FHIP1A: variants seen among roughly 807,000 people sequenced by gnomAD.
The protein encoded by FHIP1A is FHF complex subunit HOOK-interacting protein 1A.
A neutral mutation model predicts 88.6 loss-of-function variants in FHIP1A; 61 were observed. The observed-to-expected ratio is 0.69, with a 90% CI of 0.56 to 0.85. The LOEUF is 0.85. Among genes scored for constraint, FHIP1A ranks in the 40% least tolerant of loss-of-function variants. The probability of loss-of-function intolerance (pLI) is 0.00; values close to 1 mark genes in which losing one functional copy is unlikely to be tolerated. For synonymous variants in FHIP1A, 478 were observed against 496.0 expected (o/e 0.96, Z 0.48); for missense variants, 1,154 against 1,273.5 (o/e 0.91, Z 1.43).
intron 2 of FHIP1A, among the ~76,000 whole-genome samples, chr4:151,464,302 T>C (rs1729234881): frequency 6.6e-6 from 1 of 152,234 alleles, no homozygotes; most frequent in African/African-American, 2.4e-5. Flanking sequence ...TTTAAGCCTT[T>C]TATTCCCTCT....
At chr4:151,587,133 C>G (rs1734248608) in intron 6 of FHIP1A, among the ~76,000 whole-genome samples, 1 of 152,124 alleles carries the variant, frequency 6.6e-6, no homozygotes, top group Non-Finnish European at 1.5e-5. Flanking sequence ...GATTATACCG[C>G]TTTTACTTCA....
At chr4:151,522,755 G>A (rs1032853292) in intron 3 of FHIP1A, among the ~76,000 whole-genome samples, 1 of 152,180 alleles carries the variant, frequency 6.6e-6, no homozygotes, top group Non-Finnish European at 1.5e-5. Context: ...AAATCAATTT[G>A]TGTGTCTTTT....
chr4:151,593,968 G>GA (rs1485740808), intron 7 of FHIP1A, among the ~76,000 whole-genome samples: 3 of 152,202 alleles, frequency 2.0e-5, no homozygotes, highest in African/African-American at 7.2e-5. Flanking sequence ...TTTTTAGCGT[G>GA]AAGGGGTGTT....
chr4:151,630,682 C>G (rs576536759), intron 8 of FHIP1A, among the ~76,000 whole-genome samples: 2 of 152,238 alleles, frequency 1.3e-5, no homozygotes, highest in East Asian at 3.9e-4. Context: ...TCAATTAGCA[C>G]TACACTTATC....
intron 2 of FHIP1A, among the ~76,000 whole-genome samples, chr4:151,478,544 C>G (rs558632965): frequency 3.3e-5 from 5 of 152,090 alleles, no homozygotes; most frequent in Non-Finnish European, 7.4e-5. Context: ...GGTTTTTCAC[C>G]AAGAATGCCG....
In FHIP1A at chr4:151,625,193, G is replaced by A. The variant is rs535109894; in HGVS notation, c.979-4509G>A. Reference sequence around the variant, plus strand: ...TCTTTTCCCCTCTGCTGATTTCAGTGGGAGCTTCACTCTGGTTGGACCCAC... The same window carrying A: ...TCTTTTCCCCTCTGCTGATTTCAGTAGGAGCTTCACTCTGGTTGGACCCAC... On this transcript the variant is annotated intron_variant, in intron 7 of 13. Transcript: ENST00000435205. Among the ~76,000 whole-genome samples, 214 of 152,252 alleles carry A rather than the reference G, an allele frequency of 1.4e-3. 1 individual carries two copies. The highest frequency in any genetic ancestry group is 4.9e-3 in the African/African-American group (205 of 41,538).
At chr4:151,411,343 A>ATTTTTTTTTTTTT (rs370374898) in intron 1 of FHIP1A, among the ~76,000 whole-genome samples, 6 of 112,178 alleles carry the variant, frequency 5.3e-5, no homozygotes, top group African/African-American at 1.1e-4. Context: ...GTGAAATTAT[A>ATTTTTTTTTTTTT]TATATATTTT....
intron 13 of FHIP1A, among the ~76,000 whole-genome samples, chr4:151,662,050 C>A (rs1737478088): frequency 6.6e-6 from 1 of 152,224 alleles, no homozygotes; most frequent in Admixed American, 6.5e-5. Context: ...AGCCTCCCTG[C>A]TGGAGCTATG....
chr4:151,520,349 T>C (rs1326985678), intron 3 of FHIP1A, among the ~76,000 whole-genome samples: 1 of 152,170 alleles, frequency 6.6e-6, no homozygotes, highest in African/African-American at 2.4e-5. Context: ...GGTGCCTTTA[T>C]TGAAAATCCT....
At position 151,415,183 on chromosome 4, in the gene FHIP1A, GT is replaced by G. The variant is rs1168176245; in HGVS notation, c.-356+5729del. The stretch of plus-strand genomic sequence containing the variant: ...GCATTGAATAGATATAGTTTTTTTG[GT>G]TTTTTTTTTTGTTTTTTTTTGAGAT... On this transcript the variant is annotated intron_variant, in intron 1 of 13. Coordinates refer to ENST00000435205, the MANE Select transcript of FHIP1A (RefSeq NM_001109977.3). Among the ~76,000 whole-genome samples, 1,337 of 139,054 alleles carry G rather than the reference GT, an allele frequency of 9.6e-3. 19 individuals are homozygous for G. Among genetic ancestry groups the G allele is most frequent in the African/African-American group, 0.031 (1,198 of 38,504 alleles). The allele number at this position is 139,054 out of a possible 152,430, so 91.2% of individuals were successfully genotyped here.
intron 3 of FHIP1A, among the ~76,000 whole-genome samples, chr4:151,556,002 T>C (rs912741365): frequency 1.1e-4 from 17 of 152,136 alleles, no homozygotes; most frequent in African/African-American, 4.1e-4. Context: ...ATAGAAAAGG[T>C]TGTGGCAGCT....
intron 3 of FHIP1A, among the ~76,000 whole-genome samples, chr4:151,558,831 A>C (rs988889635): frequency 1.3e-5 from 2 of 152,220 alleles, no homozygotes; most frequent in African/African-American, 2.4e-5. Flanking sequence ...GCAAAAGATT[A>C]ATTTTACAAA....
intron 3 of FHIP1A, among the ~76,000 whole-genome samples, chr4:151,531,969 A>G (rs972565940): frequency 3.9e-5 from 6 of 152,256 alleles, no homozygotes; most frequent in African/African-American, 1.2e-4. Flanking sequence ...AAAGAAAGTT[A>G]CAAAATAAAA....
At chr4:151,607,177 G>A (rs576838647) in intron 7 of FHIP1A, among the ~76,000 whole-genome samples, 2 of 152,258 alleles carry the variant, frequency 1.3e-5, no homozygotes, top group African/African-American at 4.8e-5. Context: ...TAGGAGTGGT[G>A]GAGCCCAAGC....
At chr4:151,622,708 A>G (rs192914142) in intron 7 of FHIP1A, among the ~76,000 whole-genome samples, 1 of 152,168 alleles carries the variant, frequency 6.6e-6, no homozygotes, top group East Asian at 1.9e-4. Flanking sequence ...TCAAAAAAGG[A>G]CTCTGTGGAA....
intron 7 of FHIP1A, among the ~76,000 whole-genome samples, chr4:151,597,823 A>G (rs1353277983): frequency 6.6e-6 from 1 of 152,106 alleles, no homozygotes; most frequent in Non-Finnish European, 1.5e-5. Context: ...GACTTTGTTT[A>G]TACTGTGAGG....
intron 3 of FHIP1A, among the ~76,000 whole-genome samples, chr4:151,498,260 A>G (rs1449423948): frequency 1.3e-5 from 2 of 152,200 alleles, no homozygotes; most frequent in Non-Finnish European, 2.9e-5. Flanking sequence ...ACCCTGGGCT[A>G]AAGTAATGTT....
intron 3 of FHIP1A, among the ~76,000 whole-genome samples, chr4:151,533,614 C>T (rs1208535178): frequency 6.6e-6 from 1 of 152,090 alleles, no homozygotes; most frequent in Non-Finnish European, 1.5e-5. Context: ...CTAGCCAGCC[C>T]CTGTTCAGAT....
At chr4:151,641,301 T>G (rs1249131618) in intron 9 of FHIP1A, among the ~76,000 whole-genome samples, 1 of 152,206 alleles carries the variant, frequency 6.6e-6, no homozygotes, top group African/African-American at 2.4e-5. Context: ...AACCACTGGC[T>G]CCTGGTATCC....
Sources: gnomAD v4.1 joint callset for allele counts (sites outside exome capture counted in the v4.1 genomes callset) on GRCh38, gnomAD v4.1.1 for gene constraint, MANE v1.5 for transcripts, NCBI Gene and HGNC (gene_info 2026-07-23, HGNC 2026-07-21) for gene names.